Variants in TMEM131L observed in about 807,000 individuals in gnomAD.
The protein encoded by TMEM131L is transmembrane 131 like.
TMEM131L carries 54 observed loss-of-function variants against 192.2 expected under a neutral mutation model. The ratio of observed to expected loss-of-function variants is 0.28; its 90% CI spans 0.23 to 0.35. The LOEUF is 0.35. TMEM131L is among the 10% of genes least tolerant of loss of function. The pLI is 1.00. For missense variants in TMEM131L, 1,888 were observed against 1,972.9 expected, an observed-to-expected ratio of 0.96 and a Z score of 0.82; for synonymous variants, 701 against 704.9, an observed-to-expected ratio of 0.99 and a Z score of 0.09.
In TMEM131L at chr4:153,488,728, A is replaced by G. The variant is rs75397468; in HGVS notation, c.239+14840A>G. ...GCCACAAACTGCGCGGCTTTAGAACAACAGAATTGTATTCTCTCCTCACAG... is the reference window on the plus strand; with the variant it reads ...GCCACAAACTGCGCGGCTTTAGAACGACAGAATTGTATTCTCTCCTCACAG... On this transcript the variant is annotated intron_variant, in intron 3 of 34. Coordinates refer to ENST00000409959, the MANE Select transcript of TMEM131L (RefSeq NM_001131007.2). Among the ~76,000 whole-genome samples the G allele has an allele frequency of 3.3e-4, 50 of 152,304 alleles. No homozygotes were observed. In the East Asian group the frequency reaches 8.5e-3, roughly 26 times the overall value.
chr4:153,502,388 T>C (rs965783140), intron 3 of TMEM131L, among the ~76,000 whole-genome samples: 7 of 152,202 alleles, frequency 4.6e-5, no homozygotes, highest in African/African-American at 1.4e-4. Context: ...AAACAGCTAC[T>C]GGGTTTGGCA....
At chr4:153,576,961 C>T (rs1729991535) in intron 7 of TMEM131L, among the ~76,000 whole-genome samples, 1 of 152,106 alleles carries the variant, frequency 6.6e-6, no homozygotes, top group South Asian at 2.1e-4. Context: ...ATTCGAAGCA[C>T]GAGATGCTTA....
chr4:153,589,135 A>G (rs2150814526), intron 16 of TMEM131L, 128 bp downstream of exon 16: 2 of 611,296 alleles, frequency 3.3e-6, no homozygotes, highest in South Asian at 3.9e-5. Context: ...AAACTGTAGC[A>G]GACCCTATAT....
chr4:153,605,451 T>TC (rs1732159601), intron 25 of TMEM131L, among the ~76,000 whole-genome samples: 1 of 152,236 alleles, frequency 6.6e-6, no homozygotes, highest in African/African-American at 2.4e-5. Context: ...CACTGCAACC[T>TC]CCACCTCCGG....
At position 153,587,826 on chromosome 4, in the gene TMEM131L, CT is replaced by C; in HGVS notation, c.1552+17del. 6.3e-7 allele frequency: 1 copy of C among 1,585,266 alleles called. No individual in the cohort carries two copies. Among genetic ancestry groups the C allele is most frequent in the Non-Finnish European group, 8.7e-7 (1 of 1,153,852 alleles). ...ATCAAAAGCAGGTAAGTATTTTGCC[CT>C]TAGGCTTTCTGTAGATCTCTAGTTT... is the stretch of plus-strand genomic sequence containing the variant. On this transcript the variant is annotated intron_variant, in intron 15 of 34. Coordinates refer to ENST00000409959, the MANE Select transcript of TMEM131L (RefSeq NM_001131007.2).
chr4:153,635,893 G>T (rs1378199910), intron 34 of TMEM131L, among the ~76,000 whole-genome samples: 2 of 152,116 alleles, frequency 1.3e-5, no homozygotes, highest in Admixed American at 6.6e-5. Context: ...GTCTTTATGT[G>T]GACTCACTGA....
At chr4:153,496,641 C>T (rs1733190715) in intron 3 of TMEM131L, among the ~76,000 whole-genome samples, 1 of 151,926 alleles carries the variant, frequency 6.6e-6, no homozygotes, top group African/African-American at 2.4e-5. Flanking sequence ...TCACTGTGGC[C>T]CCACCTCTCA....
At chr4:153,626,401 C>G (rs1733845046) in intron 30 of TMEM131L, among the ~76,000 whole-genome samples, 176 bp downstream of exon 30, 1 of 152,132 alleles carries the variant, frequency 6.6e-6, no homozygotes, top group Non-Finnish European at 1.5e-5. Flanking sequence ...AAACATGGTT[C>G]ATGTGGGAGA....
intron 3 of TMEM131L, among the ~76,000 whole-genome samples, chr4:153,543,223 C>T (rs781664928): frequency 2.0e-5 from 3 of 152,116 alleles, no homozygotes; most frequent in Middle Eastern, 3.2e-3. Context: ...TGGTTTCTGC[C>T]TCTATTGTTA....
rs1159938104 is a variant in TMEM131L, at chr4:153,624,806, A to T, written c.4046-1341A>T. 2.6e-5 allele frequency among the ~76,000 whole-genome samples: 4 copies of T among 152,318 alleles called. No individual in the cohort carries two copies. In the South Asian group the frequency reaches 8.3e-4, roughly 32 times the overall value. ...TACATGATGAACACAAGCCATAGAGAATTTCCTTCAGCAGCCTGCAAGCTG... is the reference window on the plus strand; with the variant it reads ...TACATGATGAACACAAGCCATAGAGTATTTCCTTCAGCAGCCTGCAAGCTG... On this transcript the variant is annotated intron_variant, in intron 29 of 34. Coordinates refer to ENST00000409959, the MANE Select transcript of TMEM131L (RefSeq NM_001131007.2).
At chr4:153,607,385 T>C (rs1365949360) in intron 25 of TMEM131L, among the ~76,000 whole-genome samples, 4 of 152,242 alleles carry the variant, frequency 2.6e-5, no homozygotes, top group Non-Finnish European at 4.4e-5. Context: ...GTAAGATCTT[T>C]TCTAGAATCT....
In TMEM131L at chr4:153,591,197, G is replaced by A. The variant is rs1034421044; in HGVS notation, c.1812+3G>A. 5 of 1,594,360 alleles carry A rather than the reference G, an allele frequency of 3.1e-6. No homozygotes were observed. Among genetic ancestry groups the A allele is most frequent in the Admixed American group, 1.7e-5 (1 of 57,706 alleles). ...CAACTGCCCTTAGGAGCAGGATGGTGAGGACAGTGTGTCTTTTCATTTCTT... is the reference window on the plus strand; with the variant it reads ...CAACTGCCCTTAGGAGCAGGATGGTAAGGACAGTGTGTCTTTTCATTTCTT... On this transcript the variant is annotated splice_donor_region_variant and intron_variant, in intron 17 of 34. Coordinates refer to ENST00000409959, the MANE Select transcript of TMEM131L (RefSeq NM_001131007.2).
chr4:153,538,310 G>A (rs1736497193), intron 3 of TMEM131L, among the ~76,000 whole-genome samples: 1 of 152,132 alleles, frequency 6.6e-6, no homozygotes, highest in African/African-American at 2.4e-5. Flanking sequence ...ATCTCATGGA[G>A]GTCCTTGTAC....
At chr4:153,490,664 A>C (rs1732703837) in intron 3 of TMEM131L, among the ~76,000 whole-genome samples, 1 of 152,144 alleles carries the variant, frequency 6.6e-6, no homozygotes, top group African/African-American at 2.4e-5. Flanking sequence ...TCTAGATTTA[A>C]AAAATGAGCG....
chr4:153,523,857 T>G (rs1013145684), intron 3 of TMEM131L, among the ~76,000 whole-genome samples: 1 of 152,236 alleles, frequency 6.6e-6, no homozygotes, highest in Non-Finnish European at 1.5e-5. Context: ...TATTTTGTTT[T>G]GTACCCCATA....
chr4:153,625,400 A>C (rs1733766708), intron 29 of TMEM131L, among the ~76,000 whole-genome samples: 4 of 152,034 alleles, frequency 2.6e-5, no homozygotes. Context: ...ACAAAAAAAA[A>C]GGGGGTACAT....
Position 153,603,893 on chromosome 4 carries a change from A to G in TMEM131L, c.2881A>G (p.Ile961Val), listed in dbSNP as rs756840858. 1.7e-5 allele frequency: 27 copies of G among 1,614,184 alleles called. No homozygotes were observed. Among genetic ancestry groups the G allele is most frequent in the Non-Finnish European group, 2.1e-5 (25 of 1,180,020 alleles). The change falls in exon 25 of 35, where the codon ATC (isoleucine) becomes GTC (valine). Residue 961 changes from isoleucine to valine, a missense_variant. Transcript: ENST00000409959. ...TCCAGTGAACACTCCCCAAAGCAGG[A>G]TCCAGAATGCTGCAAAGAGGAGCCC... The part of the protein sequence containing the change: ...CLPVNTPQSR[I>V]QNAAKRSPAT...
intron 3 of TMEM131L, among the ~76,000 whole-genome samples, chr4:153,474,566 T>C (rs1731392002): frequency 6.6e-6 from 1 of 152,176 alleles, no homozygotes; most frequent in Non-Finnish European, 1.5e-5. Context: ...TGTTTTTAAG[T>C]GTGGTGTGAA....
At chr4:153,509,388 G>A (rs910301773) in intron 3 of TMEM131L, among the ~76,000 whole-genome samples, 2 of 150,634 alleles carry the variant, frequency 1.3e-5, no homozygotes, top group African/African-American at 4.9e-5. Context: ...GAAAGAAAAA[G>A]AAAAATCTAC....
Sources: gnomAD v4.1 joint callset for allele counts (sites outside exome capture counted in the v4.1 genomes callset) on GRCh38, gnomAD v4.1.1 for gene constraint, MANE v1.5 for transcripts, NCBI Gene and HGNC (gene_info 2026-07-23, HGNC 2026-07-21) for gene names.